PDGFC: variants seen among roughly 807,000 people sequenced by gnomAD.
The protein encoded by PDGFC is platelet-derived growth factor C.
Under a neutral mutation model 35.5 loss-of-function variants are expected in PDGFC, and 12 were observed. The observed-to-expected ratio is 0.34, with a 90% CI of 0.22 to 0.55. The LOEUF (loss-of-function observed/expected upper bound fraction) is 0.55, where lower values mean the gene tolerates loss of function less well. Ranked by LOEUF, PDGFC falls within the 20% of genes least tolerant of loss-of-function variation. The probability of loss-of-function intolerance (pLI) is 0.91; values close to 1 mark genes in which losing one functional copy is unlikely to be tolerated. For synonymous variants in PDGFC, 159 were observed against 148.8 expected, an observed-to-expected ratio of 1.07 and a Z score of -0.50; for missense variants, 322 against 412.4, an observed-to-expected ratio of 0.78 and a Z score of 1.90.
At chr4:156,890,038 C>A (rs1448958662) in intron 1 of PDGFC, among the ~76,000 whole-genome samples, 1 of 151,982 alleles carries the variant, frequency 6.6e-6, no homozygotes, top group African/African-American at 2.4e-5. Flanking sequence ...TTAATACATG[C>A]TATCATCCAG....
intron 3 of PDGFC, among the ~76,000 whole-genome samples, chr4:156,782,039 C>T (rs1730994001): frequency 6.6e-6 from 1 of 152,106 alleles, no homozygotes; most frequent in South Asian, 2.1e-4. Flanking sequence ...GACATCTCCA[C>T]CCAACATTCT....
chr4:156,845,915 C>A (rs950765730), intron 2 of PDGFC, among the ~76,000 whole-genome samples: 4 of 151,482 alleles, frequency 2.6e-5, no homozygotes, highest in Admixed American at 2.0e-4. Context: ...AAATCATAGG[C>A]AAGACTAAGT....
intron 3 of PDGFC, among the ~76,000 whole-genome samples, chr4:156,795,984 T>C (rs1731429646): frequency 6.6e-6 from 1 of 152,210 alleles, no homozygotes; most frequent in South Asian, 2.1e-4. Flanking sequence ...TTATAGTGAC[T>C]ATTTATGTTT....
At chr4:156,789,467 A>C (rs942418140) in intron 3 of PDGFC, among the ~76,000 whole-genome samples, 2 of 152,298 alleles carry the variant, frequency 1.3e-5, no homozygotes, top group East Asian at 3.9e-4. Flanking sequence ...GTAACTACAA[A>C]ATATTTTATA....
chr4:156,903,971 G>T (rs1252121216), intron 1 of PDGFC, among the ~76,000 whole-genome samples: 1 of 152,122 alleles, frequency 6.6e-6, no homozygotes, highest in African/African-American at 2.4e-5. Context: ...AGTGATGCCT[G>T]CCTTTGAATG....
intron 1 of PDGFC, among the ~76,000 whole-genome samples, chr4:156,898,831 T>C (rs1166944111): frequency 6.6e-6 from 1 of 152,166 alleles, no homozygotes; most frequent in African/African-American, 2.4e-5. Flanking sequence ...CTAATTTTTC[T>C]ATATTTTGTA....
chr4:156,947,540 G>T (rs1456029204), intron 1 of PDGFC, among the ~76,000 whole-genome samples: 2 of 151,926 alleles, frequency 1.3e-5, no homozygotes, highest in Non-Finnish European at 2.9e-5. Flanking sequence ...GTGTGGTTTT[G>T]TTTCCTTGTT....
In PDGFC at chr4:156,825,584, T is replaced by TAAGAAGAAG. The variant is rs1371864016; in HGVS notation, c.315-14568_315-14567insCTTCTTCTT. Among the ~76,000 whole-genome samples the TAAGAAGAAG allele has an allele frequency of 6.5e-3, 586 of 89,954 alleles. 1 individual carries two copies. Among genetic ancestry groups the TAAGAAGAAG allele is most frequent in the African/African-American group, 9.1e-3 (150 of 16,528 alleles). The allele number at this position is 89,954 out of a possible 152,430, so 59.0% of individuals were successfully genotyped here. ...ATAATAATAATAATAATAATAATAA[T>TAAGAAGAAG]AATAATAATAAGAAGAAGAAGAAGA... On this transcript the variant is annotated intron_variant, in intron 2 of 5. Transcript: ENST00000502773.
At chr4:156,863,556 T>C (rs1404380862) in intron 1 of PDGFC, among the ~76,000 whole-genome samples, 1 of 152,152 alleles carries the variant, frequency 6.6e-6, no homozygotes. Flanking sequence ...ATAACTAATA[T>C]GATCCAATAA....
intron 2 of PDGFC, among the ~76,000 whole-genome samples, chr4:156,845,424 A>G (rs1729304230): frequency 6.6e-6 from 1 of 151,812 alleles, no homozygotes; most frequent in Non-Finnish European, 1.5e-5. Flanking sequence ...CATGTGGAGA[A>G]AGAGTTGTGC....
chr4:156,775,365 A>G (rs1730802100), intron 3 of PDGFC, among the ~76,000 whole-genome samples: 1 of 152,164 alleles, frequency 6.6e-6, no homozygotes, highest in East Asian at 1.9e-4. Context: ...TTACAAATGG[A>G]AAGTTTCAAA....
chr4:156,943,780 G>C, intron 1 of PDGFC, among the ~76,000 whole-genome samples: 1 of 152,100 alleles, frequency 6.6e-6, no homozygotes, highest in East Asian at 1.9e-4. Context: ...AGAGAATTAA[G>C]TGCTCAGAAG....
intron 3 of PDGFC, among the ~76,000 whole-genome samples, chr4:156,800,204 T>C (rs1261770815): frequency 1.3e-5 from 2 of 152,274 alleles, no homozygotes; most frequent in South Asian, 2.1e-4. Flanking sequence ...GGCACACTTA[T>C]TTTAATCTAT....
At chr4:156,942,924 T>A (rs1731843604) in intron 1 of PDGFC, among the ~76,000 whole-genome samples, 1 of 152,068 alleles carries the variant, frequency 6.6e-6, no homozygotes, top group Admixed American at 6.6e-5. Flanking sequence ...ACCATACAGA[T>A]CTCAGATTAT....
At chr4:156,883,492 G>A (rs1487414682) in intron 1 of PDGFC, among the ~76,000 whole-genome samples, 5 of 152,078 alleles carry the variant, frequency 3.3e-5, no homozygotes, top group Admixed American at 3.3e-4. Context: ...TTGAGGCAAG[G>A]TTTATGTTAG....
intron 1 of PDGFC, among the ~76,000 whole-genome samples, chr4:156,941,750 C>T (rs1731811285): frequency 6.6e-6 from 1 of 151,966 alleles, no homozygotes. Flanking sequence ...TTTGAAGTTA[C>T]TTACATGATA....
In PDGFC at chr4:156,762,437, A is replaced by C. The variant is rs1730401750; in HGVS notation, c.*653T>G. 1 of 152,584 alleles carries C rather than the reference A, an allele frequency of 6.6e-6. No individual in the cohort carries two copies. Among genetic ancestry groups the C allele is most frequent in the Non-Finnish European group, 1.5e-5 (1 of 68,036 alleles). The allele number at this position is 152,584 out of a possible 1,614,324, so 9.5% of individuals were successfully genotyped here. A position where few individuals can be genotyped will look rare whatever the true frequency, so the allele number is the denominator to read the frequency against. On this transcript the variant is annotated 3_prime_UTR_variant, in exon 6 of 6. Transcript: ENST00000502773. ...TGAAGATAAGGCCACTCTTCTTTTC[A>C]GGTTTATCTCTTCCAAACCATGAAT...
At chr4:156,846,171 G>A (rs1729321143) in intron 2 of PDGFC, among the ~76,000 whole-genome samples, 1 of 151,728 alleles carries the variant, frequency 6.6e-6, no homozygotes, top group South Asian at 2.1e-4. Context: ...CACAGAACAA[G>A]ATTTGCATGT....
intron 1 of PDGFC, among the ~76,000 whole-genome samples, chr4:156,905,171 A>G (rs1666866876): frequency 6.6e-6 from 1 of 152,088 alleles, no homozygotes; most frequent in Non-Finnish European, 1.5e-5. Flanking sequence ...AGAAATAAAT[A>G]CTAATTTCAA....
Sources: gnomAD v4.1 joint callset for allele counts (sites outside exome capture counted in the v4.1 genomes callset) on GRCh38, gnomAD v4.1.1 for gene constraint, MANE v1.5 for transcripts, NCBI Gene and HGNC (gene_info 2026-07-23, HGNC 2026-07-21) for gene names.